MRAS: variants seen among roughly 807,000 people sequenced by gnomAD.
MRAS encodes ras-related protein M-Ras.
In MRAS, 4 loss-of-function variants were observed where a neutral mutation model predicts 20.9. The ratio of observed to expected loss-of-function variants is 0.19; its 90% CI spans 0.09 to 0.44. The LOEUF (loss-of-function observed/expected upper bound fraction) is 0.44, where lower values mean the gene tolerates loss of function less well. Among genes scored for constraint, MRAS ranks in the 20% least tolerant of loss-of-function variants. The probability of loss-of-function intolerance (pLI) is 0.99; values close to 1 mark genes in which losing one functional copy is unlikely to be tolerated. For synonymous variants in MRAS, 98 were observed against 102.9 expected (o/e 0.95, Z 0.29); for missense variants, 154 against 277.5 (o/e 0.56, Z 3.16).
intron 4 of MRAS, 83 bp from the exon 5 acceptor site, chr3:138,400,451 A>T: frequency 7.6e-7 from 1 of 1,321,764 alleles, no homozygotes; most frequent in Non-Finnish European, 1.1e-6. Context: ...TGGGTTCCTC[A>T]GAACCTCTGG....
chr3:138,377,115 T>A (rs939371967), intron 2 of MRAS, among the ~76,000 whole-genome samples: 1 of 152,208 alleles, frequency 6.6e-6, no homozygotes, highest in Non-Finnish European at 1.5e-5. Flanking sequence ...ATATTAGAAG[T>A]GTGCATTTGC....
At chr3:138,386,015 G>A (rs1416356009) in intron 2 of MRAS, among the ~76,000 whole-genome samples, 2 of 152,178 alleles carry the variant, frequency 1.3e-5, no homozygotes, top group African/African-American at 2.4e-5. Flanking sequence ...GAGAGGGCAG[G>A]TGGAACATGT....
chr3:138,394,716 C>T (rs2055199576), intron 2 of MRAS, among the ~76,000 whole-genome samples: 1 of 152,238 alleles, frequency 6.6e-6, no homozygotes, highest in Admixed American at 6.5e-5. Flanking sequence ...TTCCCCACCT[C>T]AGCATCTGGG....
chr3:138,385,573 T>G (rs1303223528), intron 2 of MRAS, among the ~76,000 whole-genome samples: 1 of 152,118 alleles, frequency 6.6e-6, no homozygotes, highest in African/African-American at 2.4e-5. Context: ...TGGAGTGCAG[T>G]GGCACAACCT....
chr3:138,401,665 G>T (rs60439783), intron 5 of MRAS, among the ~76,000 whole-genome samples: 2,002 of 152,278 alleles, frequency 0.013, 42 homozygotes, highest in African/African-American at 0.044. Context: ...TGGGCATTTT[G>T]CCTCCAATTA....
intron 4 of MRAS, among the ~76,000 whole-genome samples, chr3:138,398,830 TC>T (rs1335084438): frequency 2.6e-5 from 4 of 152,096 alleles, no homozygotes; most frequent in Admixed American, 6.5e-5. Flanking sequence ...CTCAGGGACT[TC>T]TGAGTGATGG....
chr3:138,387,668 G>A (rs777128280), intron 2 of MRAS, among the ~76,000 whole-genome samples: 45 of 152,182 alleles, frequency 3.0e-4, no homozygotes, highest in Non-Finnish European at 4.9e-4. Context: ...GCCCCCGTCT[G>A]TTGGTGTGAT....
At chr3:138,390,816 G>A (rs1021424233) in intron 2 of MRAS, among the ~76,000 whole-genome samples, 1 of 152,144 alleles carries the variant, frequency 6.6e-6, no homozygotes, top group African/African-American at 2.4e-5. Context: ...TGTCCCTTCC[G>A]TTTCATCTGC....
chr3:138,393,786 T>C (rs2055177359), intron 2 of MRAS, among the ~76,000 whole-genome samples: 2 of 151,946 alleles, frequency 1.3e-5, no homozygotes, highest in South Asian at 4.2e-4. Flanking sequence ...GCCTCCTGGG[T>C]TCAAGTGACT....
At chr3:138,379,357 C>CTTTTTTTTTTTTTTTTTT (rs35120152) in intron 2 of MRAS, among the ~76,000 whole-genome samples, 1 of 77,598 alleles carries the variant, frequency 1.3e-5, no homozygotes, top group Non-Finnish European at 2.3e-5. Context: ...GACAGAATGT[C>CTTTTTTTTTTTTTTTTTT]TTTTTTTTTT....
intron 1 of MRAS, among the ~76,000 whole-genome samples, chr3:138,351,251 C>T (rs2054221051): frequency 1.0e-5 from 1 of 96,132 alleles, no homozygotes; most frequent in Non-Finnish European, 2.5e-5. Context: ...CATACCTGCT[C>T]ATGAGCATTG....
At chr3:138,387,394 T>G (rs2055039562) in intron 2 of MRAS, among the ~76,000 whole-genome samples, 2 of 152,216 alleles carry the variant, frequency 1.3e-5, no homozygotes, top group African/African-American at 4.8e-5. Context: ...CTGCTCTTGT[T>G]CACAGGCTGT....
chr3:138,373,040 C>A lies in MRAS; in HGVS notation c.157C>A (p.His53Asn). 6.6e-7 allele frequency: 1 copy of A among 1,518,268 alleles called. No homozygotes were observed. The highest frequency in any genetic ancestry group is 8.8e-7 in the Non-Finnish European group (1 of 1,135,404). 94.0% of individuals were successfully genotyped at this position (1,518,268 alleles called of 1,614,324 possible). Residue 53 changes from histidine (H) to asparagine (N), a missense_variant, in exon 2 of 6, where the codon CAT becomes AAT. Physicochemically the swap from His to Asn is moderately conservative, Grantham distance 68. Transcript: ENST00000423968. ...CACCATTGAAGACTCCTACCTGAAA[C>A]ATACGGAGATTGACAATCAATGGGC... ...DPTIEDSYLKHTEIDNQWAIL... is the reference protein window; with the variant it reads ...DPTIEDSYLKNTEIDNQWAIL...
At chr3:138,350,378 AGTTT>A (rs2054202469) in intron 1 of MRAS, 1 of 152,128 alleles carries the variant, frequency 6.6e-6, no homozygotes, top group South Asian at 2.1e-4. Flanking sequence ...TTTATGGTGT[AGTTT>A]GTCCTTTTTC....
intron 3 of MRAS, among the ~76,000 whole-genome samples, 182 bp from the exon 4 acceptor site, chr3:138,398,287 C>T (rs896849514): frequency 6.6e-5 from 10 of 152,204 alleles, no homozygotes; most frequent in African/African-American, 1.2e-4. Flanking sequence ...CAGCAGCCCC[C>T]GGGCCCTTTC....
At position 138,395,623 on chromosome 3, in the gene MRAS, ACC is replaced by A. The variant is rs2055220480; in HGVS notation, c.194-1699_194-1698del. Among the ~76,000 whole-genome samples the A allele has an allele frequency of 2.0e-5, 3 of 151,980 alleles. No homozygotes were observed. In the South Asian group the frequency reaches 6.3e-4, roughly 32 times the overall value. On this transcript the variant is annotated intron_variant, in intron 2 of 5. Coordinates refer to ENST00000423968, the MANE Select transcript of MRAS (RefSeq NM_001085049.3). ...CTTCTGATATTGGTCCTCCTTCCCT[ACC>A]CAAAATGACACCAACTTCTGCCAGT...
At chr3:138,387,720 T>C (rs956258591) in intron 2 of MRAS, among the ~76,000 whole-genome samples, 1 of 152,202 alleles carries the variant, frequency 6.6e-6, no homozygotes, top group Non-Finnish European at 1.5e-5. Flanking sequence ...CCTGCTGTCC[T>C]TTCTCCTTTC....
At chr3:138,367,363 CTG>C (rs1182770211) in intron 1 of MRAS, among the ~76,000 whole-genome samples, 4 of 152,154 alleles carry the variant, frequency 2.6e-5, no homozygotes, top group Non-Finnish European at 5.9e-5. Flanking sequence ...CACAGGGAGT[CTG>C]TATTGGAGGC....
intron 2 of MRAS, among the ~76,000 whole-genome samples, chr3:138,378,580 C>T (rs1054796437): frequency 2.0e-5 from 3 of 152,258 alleles, no homozygotes; most frequent in African/African-American, 7.2e-5. Flanking sequence ...CAGCCCTCTC[C>T]TCCTGTCTCT....
Sources: gnomAD v4.1 joint callset for allele counts (sites outside exome capture counted in the v4.1 genomes callset) on GRCh38, gnomAD v4.1.1 for gene constraint, MANE v1.5 for transcripts, NCBI Gene and HGNC (gene_info 2026-07-23, HGNC 2026-07-21) for gene names.